ERG: variants seen among roughly 807,000 people sequenced by gnomAD.
ERG encodes the protein transcriptional regulator ERG.
ERG carries 9 observed loss-of-function variants against 55.3 expected under a neutral mutation model. The ratio of observed to expected loss-of-function variants is 0.16; its 90% CI spans 0.10 to 0.28. The LOEUF is 0.28. ERG is among the 10% of genes least tolerant of loss of function. The probability of loss-of-function intolerance (pLI) is 1.00; values close to 1 mark genes in which losing one functional copy is unlikely to be tolerated. For missense variants in ERG, 434 were observed against 631.6 expected, an observed-to-expected ratio of 0.69 and a Z score of 3.35; for synonymous variants, 223 against 237.3, an observed-to-expected ratio of 0.94 and a Z score of 0.55.
intron 2 of ERG, among the ~76,000 whole-genome samples, chr21:38,552,304 G>A (rs960436775): frequency 6.6e-6 from 1 of 152,068 alleles, no homozygotes; most frequent in South Asian, 2.1e-4. Flanking sequence ...AAAGATTTAG[G>A]AGGAAAGACT....
chr21:38,487,744 G>A (rs576277060), intron 1 of ERG, among the ~76,000 whole-genome samples: 1 of 152,194 alleles, frequency 6.6e-6, no homozygotes, highest in Non-Finnish European at 1.5e-5. Flanking sequence ...TGACTGTCTA[G>A]GGGCAACAGA....
At chr21:38,423,940 C>A (rs1397629896) in intron 2 of ERG, among the ~76,000 whole-genome samples, 2 of 152,128 alleles carry the variant, frequency 1.3e-5, no homozygotes, top group East Asian at 1.9e-4. Context: ...CATGCCACTG[C>A]ACTCCAGACT....
intron 1 of ERG, among the ~76,000 whole-genome samples, chr21:38,616,045 T>C (rs2060257031): frequency 6.6e-6 from 1 of 152,020 alleles, no homozygotes; most frequent in African/African-American, 2.4e-5. Flanking sequence ...GGGAGGTGAT[T>C]AGATCATGGG....
At chr21:38,432,292 C>T (rs1990250899) in intron 2 of ERG, among the ~76,000 whole-genome samples, 1 of 152,082 alleles carries the variant, frequency 6.6e-6, no homozygotes, top group African/African-American at 2.4e-5. Context: ...TGGGGTCTCA[C>T]TATGTTGCCC....
downstream of ERG, among the ~76,000 whole-genome samples, chr21:38,378,150 A>T (rs1367811098): frequency 6.6e-6 from 1 of 152,224 alleles, no homozygotes; most frequent in East Asian, 1.9e-4. Context: ...ACTGGCACTG[A>T]TCAAGAGTGA....
intron 2 of ERG, among the ~76,000 whole-genome samples, chr21:38,529,239 C>T (rs1190621343): frequency 1.3e-5 from 2 of 152,166 alleles, no homozygotes. Flanking sequence ...AACACTCTGA[C>T]TTCTGTGTGG....
intron 2 of ERG, among the ~76,000 whole-genome samples, chr21:38,547,558 G>T (rs2059796046): frequency 6.6e-6 from 1 of 152,192 alleles, no homozygotes; most frequent in African/African-American, 2.4e-5. Flanking sequence ...AATCATTAAA[G>T]AGGGCGACTC....
chr21:38,400,913 T>G (rs992866853), intron 5 of ERG, among the ~76,000 whole-genome samples: 2 of 152,240 alleles, frequency 1.3e-5, no homozygotes, highest in African/African-American at 2.4e-5. Context: ...AAGCCCTATC[T>G]GTGTCCCCCT....
At chr21:38,422,272 C>A (rs573226311) in intron 3 of ERG, among the ~76,000 whole-genome samples, 2 of 152,190 alleles carry the variant, frequency 1.3e-5, no homozygotes, top group South Asian at 2.1e-4. Flanking sequence ...GAGGCAGGAC[C>A]GCAGGGTGAC....
chr21:38,423,005 G>A (rs28450982), intron 3 of ERG, among the ~76,000 whole-genome samples: 26 of 152,012 alleles, frequency 1.7e-4, no homozygotes, highest in African/African-American at 4.8e-4. Flanking sequence ...ATATACACAC[G>A]TGTGCATATG....
At chr21:38,480,098 G>C (rs2059223675) in intron 1 of ERG, among the ~76,000 whole-genome samples, 1 of 152,170 alleles carries the variant, frequency 6.6e-6, no homozygotes, top group Admixed American at 6.5e-5. Context: ...GTGACTAACA[G>C]GCAGGTAGCA....
intron 1 of ERG, among the ~76,000 whole-genome samples, chr21:38,596,054 AT>A (rs58061482): frequency 0.067 from 2,125 of 31,884 alleles, 69 homozygotes; most frequent in African/African-American, 0.12. Context: ...TTGGTGTGGG[AT>A]TGGGGGGGGG....
At chr21:38,505,650 C>T (rs1251732344) in intron 2 of ERG, among the ~76,000 whole-genome samples, 2 of 152,144 alleles carry the variant, frequency 1.3e-5, no homozygotes, top group Admixed American at 6.6e-5. Context: ...AATATTATAG[C>T]CGATAGGGAT....
chr21:38,425,575 C>T (rs1045944895), intron 2 of ERG, among the ~76,000 whole-genome samples: 5 of 152,170 alleles, frequency 3.3e-5, no homozygotes, highest in Admixed American at 6.5e-5. Flanking sequence ...TTGTCTAAGG[C>T]GGATTTCCAG....
In ERG at chr21:38,618,022, C is replaced by T. The variant is rs144419002; in HGVS notation, c.-149-33077G>A. On this transcript the variant is annotated intron_variant, in intron 1 of 10. Coordinates refer to the ERG transcript ENST00000398910. ...TTAAAAGAATGAATAAGGGGTAGGC[C>T]CAAGCCCACACGTGTCATGGAGTAC... Among the ~76,000 whole-genome samples, 620 of 152,268 alleles carry T rather than the reference C, an allele frequency of 4.1e-3. 3 individuals are homozygous for T. The highest frequency in any genetic ancestry group is 6.9e-3 in the Non-Finnish European group (467 of 68,022).
chr21:38,374,921 T>A, the ERG span, among the ~76,000 whole-genome samples: 4 of 152,184 alleles, frequency 2.6e-5, no homozygotes, highest in Non-Finnish European at 5.9e-5. Flanking sequence ...CCCATGCCTT[T>A]GCTCAAGAAA....
At chr21:38,657,080 G>C (rs1215118936) in intron 1 of ERG, among the ~76,000 whole-genome samples, 1 of 152,098 alleles carries the variant, frequency 6.6e-6, no homozygotes, top group East Asian at 1.9e-4. Flanking sequence ...CTAAAGATTT[G>C]TCCCAGATCA....
At position 38,383,491 on chromosome 21, in the gene ERG, G is replaced by A; in HGVS notation, c.1352C>T (p.Pro451Leu). 1 of 1,544,572 alleles carries A rather than the reference G, an allele frequency of 6.5e-7. No individual in the cohort carries two copies. The highest frequency in any genetic ancestry group is 2.3e-5 in the East Asian group (1 of 44,214). ...TSSSFFAAPNPYWNSPTGGIY... is the reference protein window; with the variant it reads ...TSSSFFAAPNLYWNSPTGGIY... ...ACCCCCAGTTGGTGAATTCCAGTAT[G>A]GGTTTGGGGCAGCAAAAAAACTGGA... Residue 451 changes from proline (P) to leucine (L), a missense_variant, in exon 10 of 10, where the codon CCA becomes CTA. Physicochemically the swap from Pro to Leu is moderately conservative, Grantham distance 98. Around this residue, in one of 5 missense-constraint regions of ERG, gnomAD observed 107 missense variants for 126.8 expected, o/e 0.84. Transcript: ENST00000288319. The surrounding 1 kb of genome is among the most constrained non-coding windows in gnomAD (Gnocchi z 5.7).
intron 5 of ERG, among the ~76,000 whole-genome samples, chr21:38,400,933 T>C (rs1330932953): frequency 6.6e-6 from 1 of 152,230 alleles, no homozygotes; most frequent in African/African-American, 2.4e-5. Flanking sequence ...TCAATCCCAC[T>C]TCCCACTGGG....
Sources: gnomAD v4.1 joint callset for allele counts (sites outside exome capture counted in the v4.1 genomes callset) on GRCh38, gnomAD v4.1.1 for gene constraint, gnomAD v4.1.1 regional missense constraint, Gnocchi (gnomAD v3.1) non-coding constraint, MANE v1.5 for transcripts, NCBI Gene and HGNC (gene_info 2026-07-23, HGNC 2026-07-21) for gene names.